ATXN2: variants seen among roughly 807,000 people sequenced by gnomAD.
The protein encoded by ATXN2 is ataxin 2, also known as ataxin-2.
A neutral mutation model predicts 138.6 loss-of-function variants in ATXN2; 37 were observed. The observed-to-expected ratio is 0.27, with a 90% confidence interval of 0.21 to 0.35. The LOEUF (loss-of-function observed/expected upper bound fraction) is 0.35. ATXN2 is among the 10% of genes least tolerant of loss of function. The probability of loss-of-function intolerance (pLI) is 1.00; values close to 1 mark genes in which losing one functional copy is unlikely to be tolerated. For synonymous variants in ATXN2, 549 were observed against 543.7 expected (o/e 1.01, Z -0.13); for missense variants, 1,216 against 1,480.3 (o/e 0.82, Z 2.93).
At chr12:111,513,108 A>G in intron 11 of ATXN2, 1 of 442,332 alleles carries the variant, frequency 2.3e-6, no homozygotes, top group Non-Finnish European at 4.0e-6. Flanking sequence ...AATGTAGACT[A>G]GGCAAGAATT....
Position 111,485,322 on chromosome 12 carries a change from G to A in ATXN2, c.2467C>T (p.Pro823Ser). 5 of 1,611,114 alleles carry A rather than the reference G, an allele frequency of 3.1e-6. No individual in the cohort carries two copies. Among genetic ancestry groups the A allele is most frequent in the Non-Finnish European group, 4.2e-6 (5 of 1,178,366 alleles). Reference protein sequence around the residue: ...PVSPGVQPLYPIPMTPMPVNQ... With the variant: ...PVSPGVQPLYSIPMTPMPVNQ... ...ACTGGCATGGGCGTCATAGGTATTG[G>A]GTATAAAGGCTTGAGAGAATTAAAA... The change falls in exon 18 of 25, where the codon CCA (proline) becomes TCA (serine). Residue 823 changes from proline to serine, a missense_variant. This residue lies in a region of ATXN2 where 490 missense variants were observed against 653.5 expected (regional missense o/e 0.75). Coordinates refer to ENST00000673436, the MANE Select transcript of ATXN2 (RefSeq NM_001372574.1).
chr12:111,520,227 T>A, intron 7 of ATXN2, 151 bp from the exon 8 acceptor site: 1 of 1,071,952 alleles, frequency 9.3e-7, no homozygotes. Context: ...TATAGTGATC[T>A]GTGTATTTAT....
At chr12:111,495,308 C>CAAAAAA (rs374203441) in intron 14 of ATXN2, among the ~76,000 whole-genome samples, 1 of 60,382 alleles carries the variant, frequency 1.7e-5, no homozygotes, top group Non-Finnish European at 4.1e-5. Flanking sequence ...AACTCTGTCT[C>CAAAAAA]AAAAAAAAAA....
intron 8 of ATXN2, among the ~76,000 whole-genome samples, chr12:111,518,892 C>T (rs1880002281): frequency 1.3e-5 from 2 of 152,110 alleles, no homozygotes; most frequent in South Asian, 4.1e-4. Flanking sequence ...ATTCAAATCA[C>T]CAGACTCTAA....
At chr12:111,530,722 GAGA>G (rs1880773777) in intron 5 of ATXN2, among the ~76,000 whole-genome samples, 1 of 152,238 alleles carries the variant, frequency 6.6e-6, no homozygotes, top group Admixed American at 6.5e-5. Flanking sequence ...GCTGAGGCAG[GAGA>G]ATGGTGTGAA....
At position 111,488,790 on chromosome 12, in the gene ATXN2, G is replaced by A; in HGVS notation, c.1936-10C>T. On this transcript the variant is annotated splice_polypyrimidine_tract_variant and intron_variant, in intron 14 of 24. Transcript: ENST00000673436. Reference sequence around the variant, plus strand: ...TAGAACTTGGCTGTAACTAAATAAAGGAAACAATTATACTTAAATATCTTA... The same window carrying A: ...TAGAACTTGGCTGTAACTAAATAAAAGAAACAATTATACTTAAATATCTTA... 6.3e-7 allele frequency: 1 copy of A among 1,580,054 alleles called. No individual in the cohort carries two copies. Among genetic ancestry groups the A allele is most frequent in the Non-Finnish European group, 8.6e-7 (1 of 1,156,956 alleles).
intron 1 of ATXN2, among the ~76,000 whole-genome samples, chr12:111,591,663 G>A (rs1884670664): frequency 1.3e-5 from 2 of 152,078 alleles, no homozygotes; most frequent in Non-Finnish European, 1.5e-5. Context: ...AAAGGGAGAG[G>A]TGTAATAAAA....
intron 1 of ATXN2, among the ~76,000 whole-genome samples, chr12:111,588,991 C>CTAAAA (rs1884492770): frequency 2.6e-5 from 1 of 38,684 alleles, no homozygotes; most frequent in Non-Finnish European, 5.5e-5. Flanking sequence ...CGAGATTTCT[C>CTAAAA]AAAAAAAAAA....
intron 14 of ATXN2, among the ~76,000 whole-genome samples, chr12:111,493,575 C>T (rs1037225642): frequency 6.6e-6 from 1 of 152,010 alleles, no homozygotes; most frequent in African/African-American, 2.4e-5. Context: ...TAAACTACTA[C>T]TCATATTTTG....
chr12:111,598,480 C>T lies in ATXN2; in HGVS notation c.251+304G>A. Reference sequence around the variant, plus strand: ...AGGGGGAGCCGGGGCTGACCATCGCCGCTACCCGAGAACCCCTCCCAACAC... The same window carrying T: ...AGGGGGAGCCGGGGCTGACCATCGCTGCTACCCGAGAACCCCTCCCAACAC... On this transcript the variant is annotated intron_variant, in intron 1 of 24. Transcript: ENST00000673436. This position sits in a 1 kb window ranked among gnomAD's most constrained non-coding sequence, Gnocchi z 4.5. The T allele has an allele frequency of 3.0e-6, 3 of 985,256 alleles. No homozygotes were observed. Among genetic ancestry groups the T allele is most frequent in the Non-Finnish European group, 3.6e-6 (3 of 829,940 alleles). The allele number at this position is 985,256 out of a possible 1,614,324, so 61.0% of individuals were successfully genotyped here. A position where few individuals can be genotyped will look rare whatever the true frequency, so the allele number is the denominator to read the frequency against.
intron 2 of ATXN2, 38 bp from the exon 3 acceptor site, chr12:111,554,255 GT>G (rs1882273552): frequency 7.8e-7 from 1 of 1,275,908 alleles, no homozygotes. Flanking sequence ...TTAGAAATTA[GT>G]ACAAACTGAA....
intron 1 of ATXN2, among the ~76,000 whole-genome samples, chr12:111,592,094 C>A (rs1019955223): frequency 4.3e-5 from 6 of 138,090 alleles, no homozygotes; most frequent in African/African-American, 1.7e-4. Flanking sequence ...AAAAAAAACA[C>A]CTTAGCTCAT....
chr12:111,533,825 G>A (rs541083587), intron 5 of ATXN2, among the ~76,000 whole-genome samples: 19 of 152,142 alleles, frequency 1.2e-4, no homozygotes, highest in African/African-American at 3.6e-4. Flanking sequence ...CAGCCCCAGC[G>A]TATTTCCCAT....
rs1355756571 is a variant in ATXN2, at chr12:111,598,513, G to A, written c.251+271C>T. The A allele has an allele frequency of 1.0e-5, 10 of 984,842 alleles. No homozygotes were observed. In the Admixed American group the frequency reaches 5.5e-4, roughly 54 times the overall value. 61.0% of individuals were successfully genotyped at this position (984,842 alleles called of 1,614,324 possible). On this transcript the variant is annotated intron_variant, in intron 1 of 24. Coordinates refer to ENST00000673436, the MANE Select transcript of ATXN2 (RefSeq NM_001372574.1). This position sits in a 1 kb window ranked among gnomAD's most constrained non-coding sequence, Gnocchi z 4.5. ...GAGAACCCCTCCCAACACGCGTGGG[G>A]AGGGGAGGCCGCCCGCTCCCTCCAT...
intron 18 of ATXN2, among the ~76,000 whole-genome samples, chr12:111,482,204 T>C (rs1053419869): frequency 6.8e-6 from 1 of 147,054 alleles, no homozygotes; most frequent in Non-Finnish European, 1.5e-5. Context: ...TTTTTTTTTT[T>C]TTTTTTTTGA....
At chr12:111,510,069 T>A (rs1256383995) in intron 12 of ATXN2, 71 bp from the exon 13 acceptor site, 1 of 1,134,960 alleles carries the variant, frequency 8.8e-7, no homozygotes, top group Non-Finnish European at 1.3e-6. Context: ...TGAACAATAA[T>A]TTTGATTTCC....
intron 1 of ATXN2, among the ~76,000 whole-genome samples, chr12:111,592,797 A>AAAAAAAAAAAAAAT (rs1884740378): frequency 6.9e-6 from 1 of 145,878 alleles, no homozygotes; most frequent in African/African-American, 2.6e-5. Context: ...AAAAAAAAAA[A>AAAAAAAAAAAAAAT]AAAAAAAGAT....
In ATXN2 at chr12:111,464,527, TTATATA is replaced by T. The variant is rs1164518930; in HGVS notation, c.2896+129_2896+134del. 9 of 508,726 alleles carry T rather than the reference TTATATA, an allele frequency of 1.8e-5. No homozygotes were observed. The East Asian group carries it at 2.7e-4, about 15-fold the overall frequency. 31.5% of individuals were successfully genotyped at this position (508,726 alleles called of 1,614,324 possible). ...ATTTCCATTTTAAAAACTGAATTAT[TTATATA>T]TATAAGTACTTTCAATAATTTGACT... On this transcript the variant is annotated intron_variant, in intron 21 of 24. Coordinates refer to ENST00000673436, the MANE Select transcript of ATXN2 (RefSeq NM_001372574.1).
At chr12:111,574,428 C>CT (rs1055911668) in intron 1 of ATXN2, among the ~76,000 whole-genome samples, 12 of 145,824 alleles carry the variant, frequency 8.2e-5, no homozygotes, top group Non-Finnish European at 1.2e-4. Flanking sequence ...ATTTTCTTTT[C>CT]TTTTTTTTGG....
Sources: allele counts gnomAD v4.1 joint callset (sites outside exome capture counted in the v4.1 genomes callset), GRCh38; gene constraint gnomAD v4.1.1; regional missense constraint gnomAD v4.1.1; non-coding constraint Gnocchi (gnomAD v3.1); transcripts MANE v1.5; gene names NCBI Gene and HGNC (gene_info 2026-07-23, HGNC 2026-07-21).